CFAP47: variants seen among roughly 807,000 people sequenced by gnomAD.
The protein encoded by CFAP47 is cilia and flagella associated protein 47, also known as cilia- and flagella-associated protein 47.
Under a neutral mutation model 148.1 loss-of-function variants are expected in CFAP47, and 29 were observed. That is an observed-to-expected ratio of 0.20 (90% CI 0.15 to 0.27). CFAP47 has a LOEUF of 0.27. Among genes scored for constraint, CFAP47 ranks in the 10% least tolerant of loss-of-function variants. The probability of loss-of-function intolerance (pLI) is 1.00; values close to 1 mark genes in which losing one functional copy is unlikely to be tolerated. For synonymous variants in CFAP47, 664 were observed against 577.3 expected (o/e 1.15, Z -2.15); for missense variants, 1,872 against 1,697.5 (o/e 1.10, Z -1.81).
intron 49 of CFAP47, among the ~76,000 whole-genome samples, chrX:36,261,669 A>G (rs1940825394): frequency 9.0e-6 from 1 of 110,729 alleles, no homozygotes; most frequent in African/African-American, 3.3e-5. Context: ...ACAGCATCCC[A>G]AGGCAGAAGA....
intron 57 of CFAP47, among the ~76,000 whole-genome samples, chrX:36,322,091 T>C (rs1941483455): frequency 9.0e-6 from 1 of 111,286 alleles, no homozygotes; most frequent in Non-Finnish European, 1.9e-5. Context: ...TAGCCACTTT[T>C]CCATTTTTTC....
intron 57 of CFAP47, among the ~76,000 whole-genome samples, chrX:36,326,413 G>C (rs1417538173): frequency 9.0e-6 from 1 of 111,538 alleles, no homozygotes; most frequent in Non-Finnish European, 1.9e-5. Context: ...GTAATAGGTA[G>C]AGAGTTGAAC....
chrX:36,167,900 G>A (rs4829402), intron 39 of CFAP47, among the ~76,000 whole-genome samples: 19 of 111,140 alleles, frequency 1.7e-4, no homozygotes, highest in Admixed American at 1.4e-3. Context: ...TGTTTTTTTG[G>A]GTTTCCTTGT....
rs756947766 is a variant in CFAP47, at chrX:35,939,032, A to G, written c.402-2251A>G. On this transcript the variant is annotated intron_variant, in intron 2 of 63. Coordinates refer to ENST00000378653, the MANE Select transcript of CFAP47 (RefSeq NM_001304548.2). ...AGATGACATCTATTTCTCCTTTTGT[A>G]TAAATAAATGGGAGAGGAATTGTGA... 2.7e-5 allele frequency among the ~76,000 whole-genome samples: 3 copies of G among 111,881 alleles called. No homozygotes were observed. The Admixed American group carries it at 2.8e-4, about 11-fold the overall frequency.
At chrX:35,963,034 G>A (rs748026023) in intron 8 of CFAP47, among the ~76,000 whole-genome samples, 1 of 106,837 alleles carries the variant, frequency 9.4e-6, no homozygotes, top group South Asian at 4.3e-4. Context: ...GCGAAACATG[G>A]ATGAACTTGG....
chrX:35,929,828 G>C (rs1390038148), intron 2 of CFAP47, among the ~76,000 whole-genome samples: 1 of 109,877 alleles, frequency 9.1e-6, no homozygotes, highest in South Asian at 3.9e-4. Flanking sequence ...GAGAAACCTC[G>C]TCTCTACTAG....
intron 49 of CFAP47, among the ~76,000 whole-genome samples, chrX:36,261,371 G>C (rs1200208174): frequency 5.9e-5 from 5 of 85,445 alleles, no homozygotes; most frequent in Non-Finnish European, 8.4e-5. Context: ...GTGTTTCTCG[G>C]AGAGGGGGAC....
chrX:36,085,489 A>C lies in CFAP47; in HGVS notation c.4867A>C (p.Arg1623=), dbSNP rs1387399097. ...QSLPVDNHEK[R]VIQLHLQHSS... ...TTTACCTGTAGATAACCATGAAAAA[A>C]GGGTAATTCAACTCCATTTGCAACA... The change falls in exon 30 of 64, where the codon AGG becomes CGG. Residue 1623 remains arginine, a synonymous_variant. Coordinates refer to ENST00000378653, the MANE Select transcript of CFAP47 (RefSeq NM_001304548.2). 5.0e-6 allele frequency: 6 copies of C among 1,206,347 alleles called. No homozygotes were observed. Among genetic ancestry groups the C allele is most frequent in the Non-Finnish European group, 6.7e-6 (6 of 891,632 alleles).
chrX:36,166,614 C>T (rs887655861), intron 39 of CFAP47, among the ~76,000 whole-genome samples: 1 of 111,495 alleles, frequency 9.0e-6, no homozygotes, highest in African/African-American at 3.3e-5. Context: ...GTTACTCTAA[C>T]AGGCAGTTTC....
intron 37 of CFAP47, among the ~76,000 whole-genome samples, chrX:36,151,516 C>T (rs1939307351): frequency 9.0e-6 from 1 of 111,311 alleles, no homozygotes; most frequent in African/African-American, 3.3e-5. Context: ...TTAGTGTTCT[C>T]ATATTATAGA....
Position 35,919,835 on chromosome X carries a change from C to G in CFAP47, c.36C>G (p.Val12=). ...NTQKGSLTIN[V]HRGSLAMSIQ... ...AAAAGGGTTCCCTCACCATAAACGT[C>G]CACAGAGGTTCCCTCGCCATGAGCA... is the stretch of plus-strand genomic sequence containing the variant. The change falls in exon 1 of 64, where the codon GTC becomes GTG. Residue 12 remains valine, a synonymous_variant. Coordinates refer to ENST00000378653, the MANE Select transcript of CFAP47 (RefSeq NM_001304548.2). 8.3e-7 allele frequency: 1 copy of G among 1,208,592 alleles called. No homozygotes were observed. Among genetic ancestry groups the G allele is most frequent in the Non-Finnish European group, 1.1e-6 (1 of 893,977 alleles).
At chrX:36,350,799 C>T (rs1941738479) in intron 59 of CFAP47, among the ~76,000 whole-genome samples, 1 of 109,375 alleles carries the variant, frequency 9.1e-6, no homozygotes, top group Non-Finnish European at 1.9e-5. Flanking sequence ...TTCCCATTGC[C>T]TTCCCAGGAT....
intron 21 of CFAP47, among the ~76,000 whole-genome samples, chrX:36,012,642 C>T (rs1453961139): frequency 9.0e-6 from 1 of 110,712 alleles, no homozygotes; most frequent in Non-Finnish European, 1.9e-5. Context: ...GGGAGGGGGA[C>T]AACACACAGT....
chrX:36,211,506 A>G, intron 45 of CFAP47: 1 of 296,836 alleles, frequency 3.4e-6, no homozygotes. Context: ...ACTGGGAGGA[A>G]TGTGGAATAA....
At chrX:36,374,633 C>T (rs1569330786) in intron 62 of CFAP47, among the ~76,000 whole-genome samples, 1 of 110,844 alleles carries the variant, frequency 9.0e-6, no homozygotes. Flanking sequence ...ATTTTGAGAT[C>T]TGCCTTTTTT....
At chrX:35,944,740 A>C (rs1478933399) in intron 3 of CFAP47, among the ~76,000 whole-genome samples, 1 of 111,778 alleles carries the variant, frequency 8.9e-6, no homozygotes, top group African/African-American at 3.3e-5. Context: ...AACCATGTAT[A>C]CTGCACCACT....
Position 36,190,119 on chromosome X carries a change from A to C in CFAP47, c.6244A>C (p.Thr2082Pro). 1.3e-5 allele frequency: 4 copies of C among 298,131 alleles called. No individual in the cohort carries two copies. The highest frequency in any genetic ancestry group is 2.3e-5 in the Non-Finnish European group (4 of 170,287). 24.6% of individuals were successfully genotyped at this position (298,131 alleles called of 1,213,427 possible). A position where few individuals can be genotyped will look rare whatever the true frequency, so the allele number is the denominator to read the frequency against. Residue 2082 changes from threonine to proline, a missense_variant, in exon 42 of 64, where the codon ACT becomes CCT. Thr to Pro is a conservative substitution (Grantham distance 38). Transcript: ENST00000378653. Reference sequence around the variant, plus strand: ...TACTGTTCACCTGGGAGTGAAAGGAACTTCAAGCCTAGAGCTCCGCTTTCT... The same window carrying C: ...TACTGTTCACCTGGGAGTGAAAGGACCTTCAAGCCTAGAGCTCCGCTTTCT... ...MHTVHLGVKG[T>P]SSLELRFLPF...
At chrX:36,007,324 A>T (rs7064830) in intron 21 of CFAP47, among the ~76,000 whole-genome samples, 8,865 of 112,107 alleles carry the variant, frequency 0.079, 877 homozygotes, top group African/African-American at 0.27. Context: ...AAAGGAAAGG[A>T]CATTTGAATG....
chrX:36,226,405 T>G (rs1940270068), intron 45 of CFAP47, among the ~76,000 whole-genome samples: 1 of 111,832 alleles, frequency 8.9e-6, no homozygotes, highest in Admixed American at 9.5e-5. Flanking sequence ...TCTGCTAGTT[T>G]ACATCTGATG....
Sources: allele counts gnomAD v4.1 joint callset (sites outside exome capture counted in the v4.1 genomes callset), GRCh38; gene constraint gnomAD v4.1.1; transcripts MANE v1.5; gene names NCBI Gene and HGNC (gene_info 2026-07-23, HGNC 2026-07-21).